Variants in CFLAR observed in about 807,000 individuals in gnomAD.
CFLAR encodes CASP8 and FADD like apoptosis regulator, also known as CASP8 and FADD-like apoptosis regulator.
In CFLAR, 14 loss-of-function variants were observed where a neutral mutation model predicts 51.1. The ratio of observed to expected loss-of-function variants is 0.27; its 90% CI spans 0.18 to 0.43. The LOEUF (loss-of-function observed/expected upper bound fraction) is 0.43, where lower values mean the gene tolerates loss of function less well. Ranked by LOEUF, CFLAR falls within the 20% of genes least tolerant of loss-of-function variation. CFLAR has a pLI of 1.00. For missense variants in CFLAR, 390 were observed against 566.5 expected (o/e 0.69, Z 3.16); for synonymous variants, 210 against 211.6 (o/e 0.99, Z 0.06).
intron 3 of CFLAR, among the ~76,000 whole-genome samples, chr2:201,135,614 T>C (rs1410212006): frequency 1.3e-5 from 2 of 152,098 alleles, no homozygotes; most frequent in Non-Finnish European, 2.9e-5. Flanking sequence ...GGTTTGCATT[T>C]GGGGCTTATT....
intron 1 of CFLAR, among the ~76,000 whole-genome samples, chr2:201,117,672 A>G (rs2047741840): frequency 6.6e-6 from 1 of 151,300 alleles, no homozygotes; most frequent in Non-Finnish European, 1.5e-5. Context: ...AGTTTTTGGC[A>G]CTTTTCGGTT....
intron 4 of CFLAR, 80 bp downstream of exon 4, chr2:201,136,187 T>C: frequency 6.2e-7 from 1 of 1,611,550 alleles, no homozygotes; most frequent in Non-Finnish European, 8.5e-7. Context: ...AAATATTCAT[T>C]TGTTGGATAG....
intron 4 of CFLAR, chr2:201,140,154 G>A: frequency 2.7e-6 from 1 of 370,822 alleles, no homozygotes; most frequent in Non-Finnish European, 4.6e-6. Flanking sequence ...TGCGGCAGCG[G>A]CGGGGCGGGC....
At chr2:201,117,572 G>A (rs2047729946) in intron 1 of CFLAR, among the ~76,000 whole-genome samples, 1 of 152,082 alleles carries the variant, frequency 6.6e-6, no homozygotes, top group Non-Finnish European at 1.5e-5. Context: ...AAGCTTTTTG[G>A]ACATCAACAA....
Position 201,124,456 on chromosome 2 carries a change from C to A in CFLAR, c.-137-5273C>A, listed in dbSNP as rs1296299197. 6.6e-6 allele frequency among the ~76,000 whole-genome samples: 1 copy of A among 152,126 alleles called. No individual in the cohort carries two copies. Among genetic ancestry groups the A allele is most frequent in the Non-Finnish European group, 1.5e-5 (1 of 68,010 alleles). ...CTCAAGAGACTTTTGTGCCTCAACC[C>A]CTCGAGTAGCTGGGATTACAGACAT... On this transcript the variant is annotated intron_variant, in intron 1 of 9. Transcript: ENST00000309955. This position sits in a 1 kb window ranked among gnomAD's most constrained non-coding sequence, Gnocchi z 4.7.
intron 5 of CFLAR, chr2:201,140,642 G>A: frequency 4.0e-6 from 2 of 500,384 alleles, no homozygotes; most frequent in African/African-American, 2.0e-5. Flanking sequence ...TATAGAGAAA[G>A]ATAAAAGAAA....
intron 8 of CFLAR, chr2:201,157,743 C>T (rs1396757651): frequency 6.6e-6 from 1 of 152,264 alleles, no homozygotes; most frequent in Non-Finnish European, 1.5e-5. Context: ...CTCAAAGTCA[C>T]ACTGTCATTA....
chr2:201,138,118 G>A lies in CFLAR; in HGVS notation c.523+2011G>A, dbSNP rs775273265. ...CCCTGCCCAGCCCATCCACACCAGCGTCAATCAGGTTGTTGGCCTGGGCTG... is the reference window on the plus strand; with the variant it reads ...CCCTGCCCAGCCCATCCACACCAGCATCAATCAGGTTGTTGGCCTGGGCTG... On this transcript the variant is annotated intron_variant, in intron 4 of 9. Transcript: ENST00000309955. The surrounding 1 kb of genome is among the most constrained non-coding windows in gnomAD (Gnocchi z 4.0). 2.0e-5 allele frequency: 15 copies of A among 767,914 alleles called. No individual in the cohort carries two copies. The highest frequency in any genetic ancestry group is 1.2e-4 in the South Asian group (9 of 73,474). 47.6% of individuals were successfully genotyped at this position (767,914 alleles called of 1,614,324 possible). A position where few individuals can be genotyped will look rare whatever the true frequency, so the allele number is the denominator to read the frequency against.
At chr2:201,132,906 A>G (rs1196027516) in intron 2 of CFLAR, 123 bp from the exon 3 acceptor site, 3 of 871,422 alleles carry the variant, frequency 3.4e-6, no homozygotes, top group Non-Finnish European at 3.5e-6. Context: ...TGAGGGAGGG[A>G]CATATTTACA....
chr2:201,132,002 GTTATTA>G (rs924024937), intron 2 of CFLAR, among the ~76,000 whole-genome samples: 1 of 152,078 alleles, frequency 6.6e-6, no homozygotes, highest in Non-Finnish European at 1.5e-5. Flanking sequence ...TATTATCATT[GTTATTA>G]TTATTATTTT....
In CFLAR at chr2:201,135,961, G is replaced by T. The variant is rs1371288213; in HGVS notation, c.388-11G>T. 1 of 1,604,096 alleles carries T rather than the reference G, an allele frequency of 6.2e-7. No homozygotes were observed. Among genetic ancestry groups the T allele is most frequent in the Non-Finnish European group, 8.5e-7 (1 of 1,177,144 alleles). On this transcript the variant is annotated splice_polypyrimidine_tract_variant and intron_variant, in intron 3 of 9. Coordinates refer to ENST00000309955, the MANE Select transcript of CFLAR (RefSeq NM_003879.7). ...CTATTGACATTTGTTTTTTGTTGGTGGTTCTCTTAGAGTTTCTTGGACCTT... is the reference window on the plus strand; with the variant it reads ...CTATTGACATTTGTTTTTTGTTGGTTGTTCTCTTAGAGTTTCTTGGACCTT...
intron 6 of CFLAR, 74 bp from the exon 7 acceptor site, chr2:201,148,929 G>T: frequency 1.0e-6 from 1 of 964,240 alleles, no homozygotes. Context: ...GTTATACAAA[G>T]AAACTCAGCC....
At chr2:201,133,586 G>T (rs982515498) in intron 3 of CFLAR, among the ~76,000 whole-genome samples, 7 of 152,062 alleles carry the variant, frequency 4.6e-5, no homozygotes, top group African/African-American at 1.4e-4. Flanking sequence ...GGTGGGGGGA[G>T]GTTCTTGTGA....
In CFLAR at chr2:201,129,849, C is replaced by T. The variant is rs544655533; in HGVS notation, c.-17C>T. 6.2e-7 allele frequency: 1 copy of T among 1,611,558 alleles called. No homozygotes were observed. The highest frequency in any genetic ancestry group is 8.5e-7 in the Non-Finnish European group (1 of 1,178,798). On this transcript the variant is annotated 5_prime_UTR_variant, in exon 2 of 10. Transcript: ENST00000309955. ...GTACTGCAAGACCCTTGTGAGCTTC[C>T]CTAGTCTAAGAGTAGGATGTCTGCT...
chr2:201,123,979 T>A (rs1175209709), intron 1 of CFLAR, among the ~76,000 whole-genome samples: 1 of 152,240 alleles, frequency 6.6e-6, no homozygotes, highest in Non-Finnish European at 1.5e-5. Flanking sequence ...GGTTTCTCCA[T>A]TGCCGCCCAG....
intron 8 of CFLAR, among the ~76,000 whole-genome samples, chr2:201,151,483 C>A (rs1941271780): frequency 6.6e-6 from 1 of 152,112 alleles, no homozygotes; most frequent in African/African-American, 2.4e-5. Context: ...AAATATAATA[C>A]TAAATTTTCC....
At position 201,176,402 on chromosome 2, in the gene CFLAR, G is replaced by C. The variant is rs1290838791; in HGVS notation, c.*12429G>C. On this transcript the variant is annotated 3_prime_UTR_variant, in exon 10 of 10. Coordinates refer to ENST00000309955, the MANE Select transcript of CFLAR (RefSeq NM_003879.7). ...GATGGTTGCCCAACACTCTTGGTGT[G>C]TGTCGGGGGAGCCCTCTCCTGCCTT... 1 of 151,838 alleles carries C rather than the reference G, an allele frequency of 6.6e-6. No individual in the cohort carries two copies. Among genetic ancestry groups the C allele is most frequent in the East Asian group, 1.9e-4 (1 of 5,172 alleles). 9.4% of individuals were successfully genotyped at this position (151,838 alleles called of 1,614,324 possible).
chr2:201,157,210 G>A (rs1942321495), intron 8 of CFLAR, among the ~76,000 whole-genome samples: 1 of 152,168 alleles, frequency 6.6e-6, no homozygotes, highest in East Asian at 1.9e-4. Flanking sequence ...GTGCAGTGGA[G>A]CGATCTTGGC....
In CFLAR at chr2:201,116,265, G is replaced by A. The variant is rs2047578599; in HGVS notation, c.-354G>A. The stretch of plus-strand genomic sequence containing the variant: ...GGGTGGGGACTCGGCCTCACACAGT[G>A]AGTGCCGGCTATTGGACTTTTGTCC... On this transcript the variant is annotated 5_prime_UTR_variant, in exon 1 of 10. Transcript: ENST00000309955. This position sits in a 1 kb window ranked among gnomAD's most constrained non-coding sequence, Gnocchi z 4.8. 6.6e-6 allele frequency: 1 copy of A among 152,298 alleles called. No individual in the cohort carries two copies. The highest frequency in any genetic ancestry group is 1.5e-5 in the Non-Finnish European group (1 of 68,082). The allele number at this position is 152,298 out of a possible 1,614,324, so 9.4% of individuals were successfully genotyped here.
Sources: allele counts gnomAD v4.1 joint callset (sites outside exome capture counted in the v4.1 genomes callset), GRCh38; gene constraint gnomAD v4.1.1; non-coding constraint Gnocchi (gnomAD v3.1); transcripts MANE v1.5; gene names NCBI Gene and HGNC (gene_info 2026-07-23, HGNC 2026-07-21).